The following SCYL2 variants were observed in gnomAD, a reference collection of about 807,000 sequenced individuals.
SCYL2 encodes SCY1-like protein 2.
In SCYL2, 36 loss-of-function variants were observed where a neutral mutation model predicts 100.4. The ratio of observed to expected loss-of-function variants is 0.36; its 90% CI spans 0.27 to 0.47. The LOEUF is 0.47. SCYL2 is among the 20% of genes least tolerant of loss of function. SCYL2 has a pLI of 1.00. For synonymous variants in SCYL2, 330 were observed against 359.2 expected (o/e 0.92, Z 0.92); for missense variants, 902 against 1,083.9 (o/e 0.83, Z 2.36).
rs182667638 is a variant in SCYL2 at position 100,309,921 on chromosome 12, G to A, written c.481-1123G>A. Among the ~76,000 whole-genome samples, 886 of 152,142 alleles carry A rather than the reference G, an allele frequency of 5.8e-3. 3 individuals are homozygous for A. The highest frequency in any genetic ancestry group is 8.5e-3 in the Non-Finnish European group (577 of 68,000). On this transcript the variant is annotated intron_variant, in intron 4 of 17. Coordinates refer to ENST00000360820, the MANE Select transcript of SCYL2 (RefSeq NM_017988.6). ...TAGTTTCTCCATATCCTCACCAGCA[G>A]TTATTATTTTTTTCTCTCTCTCTAT...
chr12:100,281,809 G>C (rs1340063675), intron 1 of SCYL2, among the ~76,000 whole-genome samples: 2 of 150,862 alleles, frequency 1.3e-5, no homozygotes, highest in Non-Finnish European at 3.0e-5. Context: ...ACTCCAGCCT[G>C]GGTGACAGAG....
chr12:100,306,719 A>G (rs1008957519), intron 4 of SCYL2, among the ~76,000 whole-genome samples: 12 of 152,244 alleles, frequency 7.9e-5, no homozygotes, highest in Non-Finnish European at 1.5e-5. Context: ...CTCTGTTTGC[A>G]GATGACATGA....
chr12:100,329,211 A>G lies in SCYL2; in HGVS notation c.1653A>G (p.Lys551=). The part of the protein sequence containing the change: ...AVLMGILGIY[K]CTFTHKKLGI... Reference sequence around the variant, plus strand: ...ATTCTTTTCTATCAGGTATTTACAAATGTACTTTTACTCATAAGAAGTTGG... The same window carrying G: ...ATTCTTTTCTATCAGGTATTTACAAGTGTACTTTTACTCATAAGAAGTTGG... The change falls in exon 13 of 18, where the codon AAA becomes AAG. Residue 551 remains lysine, a synonymous_variant. Coordinates refer to ENST00000360820, the MANE Select transcript of SCYL2 (RefSeq NM_017988.6). 1 of 1,559,326 alleles carries G rather than the reference A, an allele frequency of 6.4e-7. No homozygotes were observed. The highest frequency in any genetic ancestry group is 8.8e-7 in the Non-Finnish European group (1 of 1,130,610).
rs577591938 is a variant in SCYL2, at chr12:100,339,265, C to A, written c.*93C>A. On this transcript the variant is annotated 3_prime_UTR_variant, in exon 18 of 18. Coordinates refer to ENST00000360820, the MANE Select transcript of SCYL2 (RefSeq NM_017988.6). ...TATAGTTGGCTTGGAGGAAGTACTT[C>A]TATGGGAAAGTGAACAGTTCTGTGA... 10 of 1,249,382 alleles carry A rather than the reference C, an allele frequency of 8.0e-6. No individual in the cohort carries two copies. The African/African-American group carries it at 1.2e-4, about 15-fold the overall frequency. 77.4% of individuals were successfully genotyped at this position (1,249,382 alleles called of 1,614,324 possible). A position where few individuals can be genotyped will look rare whatever the true frequency, so the allele number is the denominator to read the frequency against.
chr12:100,334,313 T>C (rs1035955307), intron 14 of SCYL2, 47 bp downstream of exon 14: 11 of 1,049,368 alleles, frequency 1.0e-5, no homozygotes, highest in African/African-American at 1.6e-5. Flanking sequence ...AGTGAAATTA[T>C]AGTTGTCTTA....
rs149103204 is a variant in SCYL2 at position 100,322,520 on chromosome 12, G to T, written c.1396-1005G>T. On this transcript the variant is annotated intron_variant, in intron 10 of 17. Transcript: ENST00000360820. ...GCCTATAATCTTAGCACTTTGAGAG[G>T]CCAAGGTGAGAGGATTGCTTGAGCT... Among the ~76,000 whole-genome samples the T allele has an allele frequency of 4.4e-3, 675 of 152,152 alleles. 5 individuals are homozygous for T. The highest frequency in any genetic ancestry group is 7.3e-3 in the South Asian group (35 of 4,820).
At chr12:100,295,517 G>A (rs577181823) in intron 3 of SCYL2, among the ~76,000 whole-genome samples, 5 of 152,164 alleles carry the variant, frequency 3.3e-5, no homozygotes, top group South Asian at 2.1e-4. Flanking sequence ...CCAACACAGC[G>A]AAACCCCGTC....
At chr12:100,294,604 C>A (rs1467436104) in intron 3 of SCYL2, among the ~76,000 whole-genome samples, 1 of 139,606 alleles carries the variant, frequency 7.2e-6, no homozygotes, top group African/African-American at 2.7e-5. Flanking sequence ...GACAGGGTGG[C>A]TGGCCGGGCA....
At chr12:100,319,258 T>C in intron 10 of SCYL2, 1 of 456,030 alleles carries the variant, frequency 2.2e-6, no homozygotes, top group Non-Finnish European at 4.4e-6. Flanking sequence ...ATGCTGCCTT[T>C]GTCCAAATGA....
chr12:100,290,008 A>G (rs568654955), intron 2 of SCYL2, among the ~76,000 whole-genome samples: 1 of 152,354 alleles, frequency 6.6e-6, no homozygotes, highest in South Asian at 2.1e-4. Context: ...TCAGTAATAG[A>G]AAAATAACAA....
rs1203493742 is a variant in SCYL2, at chr12:100,339,424, T to C, written c.*252T>C. 1.4e-5 allele frequency: 6 copies of C among 422,750 alleles called. No homozygotes were observed. The highest frequency in any genetic ancestry group is 2.5e-5 in the Non-Finnish European group (6 of 238,550). 26.2% of individuals were successfully genotyped at this position (422,750 alleles called of 1,614,324 possible). A position where few individuals can be genotyped will look rare whatever the true frequency, so the allele number is the denominator to read the frequency against. On this transcript the variant is annotated 3_prime_UTR_variant, in exon 18 of 18. Coordinates refer to ENST00000360820, the MANE Select transcript of SCYL2 (RefSeq NM_017988.6). ...TTTAAAGACCCAGCCCTTCCCAATC[T>C]CAAAGAGAAAAAGGAAACTGAGTTA...
At chr12:100,295,078 G>T (rs1165401086) in intron 3 of SCYL2, among the ~76,000 whole-genome samples, 8 of 150,294 alleles carry the variant, frequency 5.3e-5, no homozygotes, top group Non-Finnish European at 1.0e-4. Context: ...GGGCAGAGGC[G>T]CTCCCCACAT....
At chr12:100,293,752 A>G (rs1319684984) in intron 3 of SCYL2, among the ~76,000 whole-genome samples, 1 of 152,078 alleles carries the variant, frequency 6.6e-6, no homozygotes, top group Non-Finnish European at 1.5e-5. Context: ...GCTGCCTTCA[A>G]GCATCTGTTT....
At chr12:100,327,161 G>A (rs1825723617) in intron 12 of SCYL2, 11 of 392,960 alleles carry the variant, frequency 2.8e-5, no homozygotes, top group South Asian at 1.9e-4. Flanking sequence ...AATTAAATAG[G>A]TACTATTGTT....
chr12:100,337,611 A>G, intron 17 of SCYL2, 105 bp downstream of exon 17: 3 of 1,081,152 alleles, frequency 2.8e-6, no homozygotes, highest in Non-Finnish European at 4.1e-6. Flanking sequence ...TATCTCAAAT[A>G]ATACCTTAAT....
At position 100,315,660 on chromosome 12, in the gene SCYL2, T is replaced by C; in HGVS notation, c.1198T>C (p.Cys400Arg). Residue 400 changes from cysteine (C) to arginine (R), a missense_variant, in exon 9 of 18, where the codon TGC (cysteine) becomes CGC (arginine). Cys to Arg is a radical substitution (Grantham distance 180). Coordinates refer to ENST00000360820, the MANE Select transcript of SCYL2 (RefSeq NM_017988.6). Reference sequence around the variant, plus strand: ...CAATGTTCTACTTATTGCTGAGGAATGCACCAAAGAAGAATATGTCAAATT... The same window carrying C: ...CAATGTTCTACTTATTGCTGAGGAACGCACCAAAGAAGAATATGTCAAATT... ...LPNVLLIAEE[C>R]TKEEYVKLIL... 6.2e-7 allele frequency: 1 copy of C among 1,612,462 alleles called. No individual in the cohort carries two copies. Among genetic ancestry groups the C allele is most frequent in the South Asian group, 1.1e-5 (1 of 90,754 alleles).
Position 100,339,253 on chromosome 12 carries a change from G to T in SCYL2, c.*81G>T. ...TTTACATCTTTATATAGTTGGCTTG[G>T]AGGAAGTACTTCTATGGGAAAGTGA... On this transcript the variant is annotated 3_prime_UTR_variant, in exon 18 of 18. Coordinates refer to ENST00000360820, the MANE Select transcript of SCYL2 (RefSeq NM_017988.6). 1 of 1,360,382 alleles carries T rather than the reference G, an allele frequency of 7.4e-7. No homozygotes were observed. The allele number at this position is 1,360,382 out of a possible 1,614,324, so 84.3% of individuals were successfully genotyped here. A position where few individuals can be genotyped will look rare whatever the true frequency, so the allele number is the denominator to read the frequency against.
At chr12:100,321,506 C>A (rs1024453425) in intron 10 of SCYL2, among the ~76,000 whole-genome samples, 1 of 152,092 alleles carries the variant, frequency 6.6e-6, no homozygotes, top group African/African-American at 2.4e-5. Context: ...TCCTGTTATT[C>A]CCAGAATTTG....
intron 4 of SCYL2, 123 bp from the exon 5 acceptor site, chr12:100,310,921 A>AT: frequency 1.1e-6 from 1 of 917,220 alleles, no homozygotes; most frequent in Non-Finnish European, 1.5e-6. Flanking sequence ...ATGAAATTTG[A>AT]TTTTTAGCTG....
Sources: allele counts gnomAD v4.1 joint callset (sites outside exome capture counted in the v4.1 genomes callset), GRCh38; gene constraint gnomAD v4.1.1; transcripts MANE v1.5; gene names NCBI Gene and HGNC (gene_info 2026-07-23, HGNC 2026-07-21).